Variants in FBXL17 observed in about 807,000 individuals in gnomAD.
FBXL17 encodes F-box/LRR-repeat protein 17.
Under a neutral mutation model 66.2 loss-of-function variants are expected in FBXL17, and 22 were observed. The ratio of observed to expected loss-of-function variants is 0.33; its 90% CI spans 0.24 to 0.47. The LOEUF (loss-of-function observed/expected upper bound fraction) is 0.47. Ranked by LOEUF, FBXL17 falls within the 20% of genes least tolerant of loss-of-function variation. The pLI is 1.00. For missense variants in FBXL17, 878 were observed against 948.2 expected (o/e 0.93, Z 0.97); for synonymous variants, 474 against 400.5 (o/e 1.18, Z -2.19).
At chr5:108,225,807 A>G (rs186741366) in intron 4 of FBXL17, among the ~76,000 whole-genome samples, 2 of 152,236 alleles carry the variant, frequency 1.3e-5, no homozygotes, top group South Asian at 2.1e-4. Flanking sequence ...CATTGTCACT[A>G]TCCTATCAAT....
At chr5:108,005,093 C>CTTTTTTTT (rs35383958) in intron 7 of FBXL17, among the ~76,000 whole-genome samples, 3 of 143,746 alleles carry the variant, frequency 2.1e-5, no homozygotes, top group Non-Finnish European at 3.0e-5. Context: ...TTTTCAATGA[C>CTTTTTTTT]TTTTTTTTTT....
At chr5:107,864,259 A>G (rs1214247679) in intron 8 of FBXL17, among the ~76,000 whole-genome samples, 3 of 152,216 alleles carry the variant, frequency 2.0e-5, no homozygotes, top group African/African-American at 7.2e-5. Context: ...AGGGCCACCA[A>G]TTCTCTATAG....
intron 5 of FBXL17, among the ~76,000 whole-genome samples, chr5:108,205,412 T>C (rs1386025253): frequency 6.6e-6 from 1 of 152,188 alleles, no homozygotes; most frequent in Non-Finnish European, 1.5e-5. Flanking sequence ...TAATACTTTG[T>C]TATCATTCAA....
chr5:107,920,173 CA>C lies in FBXL17; in HGVS notation c.1823-38995del, dbSNP rs569875114. Among the ~76,000 whole-genome samples, 1,342 of 152,256 alleles carry C rather than the reference CA, an allele frequency of 8.8e-3. 13 individuals carry two copies. Among genetic ancestry groups the C allele is most frequent in the Non-Finnish European group, 0.015 (1,018 of 68,026 alleles). The stretch of plus-strand genomic sequence containing the variant: ...AAACTGAGAACCAAAGTGACAGGGC[CA>C]ATCACATTCATATTGAAACTGTGGA... On this transcript the variant is annotated intron_variant, in intron 7 of 8. Coordinates refer to ENST00000542267, the MANE Select transcript of FBXL17 (RefSeq NM_001163315.3).
chr5:108,017,047 G>A (rs1754417041), intron 7 of FBXL17, among the ~76,000 whole-genome samples: 1 of 152,074 alleles, frequency 6.6e-6, no homozygotes, highest in Non-Finnish European at 1.5e-5. Context: ...CCAAAGTGCT[G>A]GGATTACAGG....
At chr5:107,931,866 C>T (rs756036528) in intron 7 of FBXL17, among the ~76,000 whole-genome samples, 19 of 152,176 alleles carry the variant, frequency 1.2e-4, no homozygotes, top group African/African-American at 2.4e-4. Context: ...TATATTTCTA[C>T]ATCTTTTCAT....
In FBXL17 at chr5:108,381,280, C is replaced by T. The variant is rs1213487811; in HGVS notation, c.412G>A (p.Ala138Thr). The change falls in exon 1 of 9, where the codon GCC becomes ACC. Residue 138 changes from alanine (A) to threonine (T), a missense_variant. Around this residue, in one of 4 missense-constraint regions of FBXL17, gnomAD observed 605 missense variants for 509.5 expected, o/e 1.19. Coordinates refer to ENST00000542267, the MANE Select transcript of FBXL17 (RefSeq NM_001163315.3). The part of the protein sequence containing the change: ...AAAAASASSP[A>T]SCCKELGLAA... Reference sequence around the variant, plus strand: ...AGCCCCAACTCTTTGCAGCAGGAGGCGGGCGACGAAGCCGAGGCGGCAGCG... The same window carrying T: ...AGCCCCAACTCTTTGCAGCAGGAGGTGGGCGACGAAGCCGAGGCGGCAGCG... 4.2e-6 allele frequency: 6 copies of T among 1,416,792 alleles called. No homozygotes were observed. The highest frequency in any genetic ancestry group is 2.9e-5 in the Admixed American group (1 of 33,948). 87.8% of individuals were successfully genotyped at this position (1,416,792 alleles called of 1,614,324 possible).
chr5:108,050,539 G>A (rs993027227), intron 6 of FBXL17, among the ~76,000 whole-genome samples: 15 of 151,940 alleles, frequency 9.9e-5, no homozygotes, highest in Admixed American at 3.9e-4. Context: ...AATCTCTGGG[G>A]CCACAGCTAA....
chr5:107,949,602 C>T (rs116421603), intron 7 of FBXL17, among the ~76,000 whole-genome samples: 11 of 152,276 alleles, frequency 7.2e-5, no homozygotes, highest in African/African-American at 1.2e-4. Context: ...GCAAATGGCT[C>T]TTCACAGGGA....
intron 4 of FBXL17, among the ~76,000 whole-genome samples, chr5:108,314,787 A>G (rs1561524177): frequency 6.6e-6 from 1 of 151,522 alleles, no homozygotes; most frequent in African/African-American, 2.4e-5. Flanking sequence ...CTATGTTTAT[A>G]TAACATTTTA....
intron 7 of FBXL17, among the ~76,000 whole-genome samples, chr5:107,970,813 C>A (rs2112648678): frequency 6.6e-6 from 1 of 152,324 alleles, no homozygotes; most frequent in African/African-American, 2.4e-5. Flanking sequence ...CTCCCACGGC[C>A]TTCACCTGTT....
intron 6 of FBXL17, among the ~76,000 whole-genome samples, chr5:108,081,335 C>T (rs1209898902): frequency 6.6e-6 from 1 of 152,068 alleles, no homozygotes; most frequent in Non-Finnish European, 1.5e-5. Context: ...GGTTGGGGAG[C>T]CTGGAATTTT....
intron 7 of FBXL17, among the ~76,000 whole-genome samples, chr5:107,901,101 T>G (rs760119892): frequency 1.3e-5 from 2 of 152,076 alleles, no homozygotes; most frequent in Non-Finnish European, 2.9e-5. Context: ...TTTATAAGAG[T>G]TACATAATAT....
intron 7 of FBXL17, among the ~76,000 whole-genome samples, chr5:107,917,572 C>G (rs1470172728): frequency 6.6e-6 from 1 of 152,148 alleles, no homozygotes; most frequent in African/African-American, 2.4e-5. Flanking sequence ...CTCATTGACA[C>G]TAAATGACAT....
At chr5:107,942,660 C>A (rs563235975) in intron 7 of FBXL17, among the ~76,000 whole-genome samples, 30 of 152,034 alleles carry the variant, frequency 2.0e-4, no homozygotes, top group Non-Finnish European at 4.4e-5. Flanking sequence ...CCAGTGCACT[C>A]ATGACTACTA....
chr5:107,943,893 TA>T (rs1314891442), intron 7 of FBXL17, among the ~76,000 whole-genome samples: 1 of 152,184 alleles, frequency 6.6e-6, no homozygotes, highest in Non-Finnish European at 1.5e-5. Context: ...AAGACTTTGG[TA>T]GTTACATTAG....
chr5:108,197,242 T>C (rs566294705), intron 5 of FBXL17, among the ~76,000 whole-genome samples: 1 of 152,270 alleles, frequency 6.6e-6, no homozygotes, highest in Admixed American at 6.6e-5. Flanking sequence ...AAAATTTCCC[T>C]TCAATTAAAA....
At chr5:108,113,887 T>A (rs1750137121) in intron 6 of FBXL17, among the ~76,000 whole-genome samples, 1 of 152,150 alleles carries the variant, frequency 6.6e-6, no homozygotes, top group South Asian at 2.1e-4. Flanking sequence ...CTTCAGAAAA[T>A]TGGCTTTTCA....
At chr5:108,103,728 T>C (rs1303817963) in intron 6 of FBXL17, among the ~76,000 whole-genome samples, 1 of 152,222 alleles carries the variant, frequency 6.6e-6, no homozygotes, top group African/African-American at 2.4e-5. Context: ...TTTTCCTTGA[T>C]GGAATAGGTA....
Sources: gnomAD v4.1 joint callset for allele counts (sites outside exome capture counted in the v4.1 genomes callset) on GRCh38, gnomAD v4.1.1 for gene constraint, gnomAD v4.1.1 regional missense constraint, MANE v1.5 for transcripts, NCBI Gene and HGNC (gene_info 2026-07-23, HGNC 2026-07-21) for gene names.